LCORL: variants seen among roughly 807,000 people sequenced by gnomAD.
LCORL encodes the protein ligand-dependent nuclear receptor corepressor-like protein.
Under a neutral mutation model 141.8 loss-of-function variants are expected in LCORL, and 41 were observed. That is an observed-to-expected ratio of 0.29 (90% confidence interval 0.23 to 0.38). The LOEUF is 0.38. LCORL is among the 10% of genes least tolerant of loss of function. The pLI is 1.00. For missense variants in LCORL, 1,759 were observed against 2,035.0 expected, an observed-to-expected ratio of 0.86 and a Z score of 2.61; for synonymous variants, 618 against 694.1, an observed-to-expected ratio of 0.89 and a Z score of 1.72.
At chr4:17,865,378 T>C (rs1046244754) in intron 7 of LCORL, among the ~76,000 whole-genome samples, 4 of 152,104 alleles carry the variant, frequency 2.6e-5, no homozygotes, top group African/African-American at 9.7e-5. Context: ...AACACATCTC[T>C]AGGCAGGGTC....
intron 1 of LCORL, among the ~76,000 whole-genome samples, chr4:17,999,818 T>C (rs533530613): frequency 6.6e-6 from 1 of 152,324 alleles, no homozygotes; most frequent in Admixed American, 6.5e-5. Context: ...TCAGTCTTTT[T>C]GGCAGTTTCC....
chr4:17,877,890 T>A, exon 7 of LCORL: 2 of 1,230,710 alleles, frequency 1.6e-6, no homozygotes, highest in Middle Eastern at 3.1e-4. Flanking sequence ...ACAATGTAAA[T>A]CTTTAATACA....
At chr4:17,872,065 A>T (rs1726400844) in intron 7 of LCORL, among the ~76,000 whole-genome samples, 1 of 148,634 alleles carries the variant, frequency 6.7e-6, no homozygotes, top group Non-Finnish European at 1.5e-5. Flanking sequence ...AACAAGTTTT[A>T]AAAAGAGTAG....
chr4:17,919,988 GGCA>G (rs1480500818), intron 4 of LCORL, among the ~76,000 whole-genome samples: 1 of 152,198 alleles, frequency 6.6e-6, no homozygotes, highest in African/African-American at 2.4e-5. Flanking sequence ...ACCCAGGGAG[GGCA>G]TGGAAGCTCC....
intron 6 of LCORL, chr4:17,880,777 A>C (rs1395489017): frequency 2.1e-6 from 2 of 945,904 alleles, no homozygotes; most frequent in African/African-American, 3.5e-5. Context: ...AACAACACAA[A>C]GTAGGAACAG....
chr4:17,908,249 C>T (rs369180110), intron 5 of LCORL, among the ~76,000 whole-genome samples: 1 of 152,148 alleles, frequency 6.6e-6, no homozygotes, highest in Non-Finnish European at 1.5e-5. Flanking sequence ...TCAGGCTGGT[C>T]TTGAATTCCT....
chr4:17,875,079 T>A, exon 7 of LCORL: 1 of 1,233,720 alleles, frequency 8.1e-7, no homozygotes. Context: ...CCTTATTTTA[T>A]CCATTTGAGT....
intron 1 of LCORL, among the ~76,000 whole-genome samples, chr4:18,007,392 A>G (rs1216247052): frequency 2.6e-5 from 4 of 152,208 alleles, no homozygotes; most frequent in Non-Finnish European, 5.9e-5. Flanking sequence ...TAAACAAACT[A>G]TCTTTTCTCA....
intron 1 of LCORL, among the ~76,000 whole-genome samples, chr4:17,982,294 C>T (rs911451813): frequency 1.3e-5 from 2 of 152,126 alleles, no homozygotes; most frequent in Admixed American, 6.5e-5. Context: ...TGGGTATACA[C>T]CCAGTAATGG....
intron 4 of LCORL, among the ~76,000 whole-genome samples, chr4:17,959,093 T>C (rs1289575099): frequency 6.6e-6 from 1 of 152,042 alleles, no homozygotes; most frequent in Non-Finnish European, 1.5e-5. Context: ...ATACGCTTCT[T>C]CCAGTCTTGA....
intron 4 of LCORL, among the ~76,000 whole-genome samples, chr4:17,951,379 G>A (rs1251562415): frequency 6.6e-6 from 1 of 152,058 alleles, no homozygotes; most frequent in Non-Finnish European, 1.5e-5. Context: ...GTTCTTTAGA[G>A]AAAAACAAAC....
intron 4 of LCORL, among the ~76,000 whole-genome samples, chr4:17,921,820 A>G (rs1393395888): frequency 6.6e-6 from 1 of 152,186 alleles, no homozygotes; most frequent in Non-Finnish European, 1.5e-5. Flanking sequence ...CAGTTAGGCT[A>G]GGATAAAAGC....
rs561131775 is a variant in LCORL at position 17,966,587 on chromosome 4, T to C, written c.221-3538A>G. 5.3e-5 allele frequency among the ~76,000 whole-genome samples: 8 copies of C among 152,270 alleles called. No homozygotes were observed. The East Asian group carries it at 5.8e-4, about 11-fold the overall frequency. ...TCTAAAAACAGCAGCAGGGGAAATA[T>C]GTCTTCACTTACTCTACGAATCCAT... On this transcript the variant is annotated intron_variant, in intron 2 of 7. Coordinates refer to ENST00000635767, the Ensembl canonical transcript of LCORL.
intron 1 of LCORL, among the ~76,000 whole-genome samples, chr4:17,998,062 TTACTGTACTGAA>T (rs1475225772): frequency 6.6e-6 from 1 of 152,188 alleles, no homozygotes; most frequent in Non-Finnish European, 1.5e-5. Flanking sequence ...GTACAGAACG[TTACTGTACTGAA>T]TACTGTAGGC....
chr4:17,981,593 C>A (rs1001020810), intron 1 of LCORL, among the ~76,000 whole-genome samples: 1 of 151,902 alleles, frequency 6.6e-6, no homozygotes, highest in Non-Finnish European at 1.5e-5. Flanking sequence ...AAAAAATTAG[C>A]TGGGGGTGGT....
At chr4:17,862,637 T>A (rs1488076591) in intron 7 of LCORL, among the ~76,000 whole-genome samples, 1 of 152,192 alleles carries the variant, frequency 6.6e-6, no homozygotes, top group Non-Finnish European at 1.5e-5. Flanking sequence ...AAGTCCCTAT[T>A]CAGTATATGG....
At position 18,004,234 on chromosome 4, in the gene LCORL, G is replaced by A. The variant is rs1295660577; in HGVS notation, c.154+17364C>T. 3.9e-5 allele frequency among the ~76,000 whole-genome samples: 6 copies of A among 152,180 alleles called. No individual in the cohort carries two copies. The South Asian group carries it at 1.2e-3, about 31-fold the overall frequency. On this transcript the variant is annotated intron_variant, in intron 1 of 7. Transcript: ENST00000635767. Reference sequence around the variant, plus strand: ...TACTAAATGAAAATACATGTATTATGTGAAAACATATTATTCATATATGGA... The same window carrying A: ...TACTAAATGAAAATACATGTATTATATGAAAACATATTATTCATATATGGA...
exon 8 of LCORL, chr4:17,845,408 T>C (rs1722814344): frequency 5.2e-6 from 1 of 192,150 alleles, no homozygotes; most frequent in Admixed American, 5.6e-5. Flanking sequence ...TAAATCACAA[T>C]GTGTTATATA....
intron 1 of LCORL, chr4:18,020,493 A>C (rs1376297331): frequency 6.6e-6 from 1 of 151,690 alleles, no homozygotes; most frequent in Non-Finnish European, 1.5e-5. Context: ...GCCCCATTCC[A>C]TAATCCGTGT....
Sources: gnomAD v4.1 joint callset for allele counts (sites outside exome capture counted in the v4.1 genomes callset) on GRCh38, gnomAD v4.1.1 for gene constraint, MANE v1.5 for transcripts, NCBI Gene and HGNC (gene_info 2026-07-23, HGNC 2026-07-21) for gene names.